Variants in SESTD1 observed in about 807,000 individuals in gnomAD.
SESTD1 encodes SEC14 domain and spectrin repeat-containing protein 1.
In SESTD1, 43 loss-of-function variants were observed where a neutral mutation model predicts 101.7. The ratio of observed to expected loss-of-function variants is 0.42; its 90% confidence interval spans 0.33 to 0.55. The LOEUF is 0.55. SESTD1 is among the 20% of genes least tolerant of loss of function. The probability of loss-of-function intolerance (pLI) is 0.07; values close to 1 mark genes in which losing one functional copy is unlikely to be tolerated. For missense variants in SESTD1, 647 were observed against 815.1 expected (o/e 0.79, Z 2.51); for synonymous variants, 283 against 286.8 (o/e 0.99, Z 0.13).
chr2:179,110,921 AAT>A (rs2044491725), intron 17 of SESTD1, among the ~76,000 whole-genome samples: 1 of 152,230 alleles, frequency 6.6e-6, no homozygotes, highest in Admixed American at 6.5e-5. Context: ...GTGAACTTTG[AAT>A]ATATAGTACT....
intron 1 of SESTD1, among the ~76,000 whole-genome samples, chr2:179,219,912 C>A (rs1388063347): frequency 6.6e-6 from 1 of 151,902 alleles, no homozygotes; most frequent in Non-Finnish European, 1.5e-5. Flanking sequence ...AAAGTTTCAC[C>A]GAATAATATC....
At chr2:179,138,824 T>C (rs533844673) in intron 9 of SESTD1, among the ~76,000 whole-genome samples, 1 of 128,536 alleles carries the variant, frequency 7.8e-6, no homozygotes, top group East Asian at 2.3e-4. Context: ...TGAGCCATGA[T>C]CAGGTCTCTG....
At chr2:179,239,043 C>A (rs993985258) in intron 1 of SESTD1, among the ~76,000 whole-genome samples, 1 of 152,136 alleles carries the variant, frequency 6.6e-6, no homozygotes, top group Non-Finnish European at 1.5e-5. Flanking sequence ...TTTGATTTCT[C>A]TGCTGTAGCA....
intron 1 of SESTD1, among the ~76,000 whole-genome samples, chr2:179,244,683 A>G (rs1001073006): frequency 6.6e-6 from 1 of 152,232 alleles, no homozygotes; most frequent in Non-Finnish European, 1.5e-5. Flanking sequence ...TTTTCTAAAT[A>G]GAAAGATAAT....
At chr2:179,116,509 C>T in intron 15 of SESTD1, 159 bp downstream of exon 15, 1 of 1,092,736 alleles carries the variant, frequency 9.2e-7, no homozygotes, top group South Asian at 1.3e-5. Flanking sequence ...TTTATGCAGG[C>T]TAGTTTTGAT....
At position 179,104,276 on chromosome 2, in the gene SESTD1, G is replaced by A. The variant is rs1339130101; in HGVS notation, c.*5623C>T. The stretch of plus-strand genomic sequence containing the variant: ...TTTATAACTGTCAAAGTGGTATTTC[G>A]ATCCTTTCACCTTTACAAAATACAA... On this transcript the variant is annotated 3_prime_UTR_variant, in exon 18 of 18. Coordinates refer to ENST00000428443, the MANE Select transcript of SESTD1 (RefSeq NM_178123.5). 1.3e-5 allele frequency: 2 copies of A among 152,036 alleles called. No homozygotes were observed. Among genetic ancestry groups the A allele is most frequent in the African/African-American group, 2.4e-5 (1 of 41,388 alleles). 9.4% of individuals were successfully genotyped at this position (152,036 alleles called of 1,614,324 possible).
At chr2:179,217,879 G>A (rs2046748411) in intron 1 of SESTD1, among the ~76,000 whole-genome samples, 1 of 151,504 alleles carries the variant, frequency 6.6e-6, no homozygotes, top group African/African-American at 2.4e-5. Flanking sequence ...CTACCACAAG[G>A]ACAGAAAACC....
At chr2:179,161,096 A>AT (rs1486418650) in intron 5 of SESTD1, among the ~76,000 whole-genome samples, 1 of 106,956 alleles carries the variant, frequency 9.3e-6, no homozygotes, top group East Asian at 2.3e-4. Context: ...TTTTTTTTTA[A>AT]TTTTTTGTAG....
chr2:179,117,357 A>T (rs1329026771), intron 14 of SESTD1, among the ~76,000 whole-genome samples, 175 bp downstream of exon 14: 1 of 151,622 alleles, frequency 6.6e-6, no homozygotes, highest in African/African-American at 2.4e-5. Context: ...GTTAAATGAG[A>T]TCAATCAACT....
At chr2:179,142,450 A>C (rs1217655676) in intron 9 of SESTD1, among the ~76,000 whole-genome samples, 1 of 152,206 alleles carries the variant, frequency 6.6e-6, no homozygotes, top group Non-Finnish European at 1.5e-5. Flanking sequence ...AAGAGGAAAG[A>C]AAGAAGACAG....
chr2:179,115,277 T>G, intron 15 of SESTD1, 21 bp from the exon 16 acceptor site: 1 of 1,539,656 alleles, frequency 6.5e-7, no homozygotes, highest in South Asian at 1.2e-5. Flanking sequence ...AAAGGAAACA[T>G]AAAATTGTAA....
chr2:179,193,006 A>G (rs1006047102), intron 1 of SESTD1, among the ~76,000 whole-genome samples: 7 of 152,200 alleles, frequency 4.6e-5, no homozygotes, highest in Non-Finnish European at 1.0e-4. Flanking sequence ...GTATGAGTAT[A>G]TTACTTATTC....
chr2:179,257,646 A>T (rs879515714), intron 1 of SESTD1, among the ~76,000 whole-genome samples: 3 of 152,224 alleles, frequency 2.0e-5, no homozygotes, highest in Non-Finnish European at 4.4e-5. Flanking sequence ...AAGTTAACAA[A>T]CTAAAGATAA....
rs189489329 is a variant in SESTD1, at chr2:179,191,498, G to C, written c.55+289C>G. On this transcript the variant is annotated intron_variant, in intron 2 of 17. Coordinates refer to ENST00000428443, the MANE Select transcript of SESTD1 (RefSeq NM_178123.5). ...GGTATTATGGTCACTACCTGGGTGA[G>C]GAGAATCAATTATACCCCAAACCTT... Among the ~76,000 whole-genome samples the C allele has an allele frequency of 6.6e-5, 10 of 152,088 alleles. No individual in the cohort carries two copies. The East Asian group carries it at 1.9e-3, about 29-fold the overall frequency.
intron 10 of SESTD1, among the ~76,000 whole-genome samples, chr2:179,126,311 T>G (rs1423610738): frequency 6.6e-6 from 1 of 152,182 alleles, no homozygotes; most frequent in Non-Finnish European, 1.5e-5. Context: ...TTCTCAGTCT[T>G]TATTTTATTG....
In SESTD1 at chr2:179,105,754, G is replaced by A. The variant is rs1480936084; in HGVS notation, c.*4145C>T. 2 of 152,098 alleles carry A rather than the reference G, an allele frequency of 1.3e-5. No individual in the cohort carries two copies. Among genetic ancestry groups the A allele is most frequent in the Non-Finnish European group, 2.9e-5 (2 of 67,998 alleles). The allele number at this position is 152,098 out of a possible 1,614,324, so 9.4% of individuals were successfully genotyped here. Reference sequence around the variant, plus strand: ...TTCTTGAAATTGGTATGACTTCTCTGTTTTACAGCCTGAGATAAATTCTCA... The same window carrying A: ...TTCTTGAAATTGGTATGACTTCTCTATTTTACAGCCTGAGATAAATTCTCA... On this transcript the variant is annotated 3_prime_UTR_variant, in exon 18 of 18. Transcript: ENST00000428443.
rs1291605686 is a variant in SESTD1, at chr2:179,210,966, TAA to T, written c.-25-19102_-25-19101del. Among the ~76,000 whole-genome samples the T allele has an allele frequency of 1.5e-5, 2 of 132,834 alleles. 1 individual carries two copies. Among genetic ancestry groups the T allele is most frequent in the South Asian group, 5.7e-4 (2 of 3,482 alleles). 87.1% of individuals were successfully genotyped at this position (132,834 alleles called of 152,430 possible). ...TCCTAGATCTGATCAATGAATTCAATAAAGTTTCAGGATACAAAATCAATGCA... is the reference window on the plus strand; with the variant it reads ...TCCTAGATCTGATCAATGAATTCAATAGTTTCAGGATACAAAATCAATGCA... On this transcript the variant is annotated intron_variant, in intron 1 of 17. Coordinates refer to ENST00000428443, the MANE Select transcript of SESTD1 (RefSeq NM_178123.5).
intron 3 of SESTD1, among the ~76,000 whole-genome samples, chr2:179,177,861 G>A (rs975272542): frequency 6.6e-6 from 1 of 152,154 alleles, no homozygotes; most frequent in Non-Finnish European, 1.5e-5. Flanking sequence ...ACATTATTCA[G>A]CCATAAAAAA....
At position 179,105,951 on chromosome 2, in the gene SESTD1, T is replaced by C. The variant is rs1009729883; in HGVS notation, c.*3948A>G. ...GCTAAACCTAGACTTTTCAGTAGCATGTATGAAAGTCAAATAATGTCAAAT... is the reference window on the plus strand; with the variant it reads ...GCTAAACCTAGACTTTTCAGTAGCACGTATGAAAGTCAAATAATGTCAAAT... On this transcript the variant is annotated 3_prime_UTR_variant, in exon 18 of 18. Coordinates refer to ENST00000428443, the MANE Select transcript of SESTD1 (RefSeq NM_178123.5). 1 of 152,192 alleles carries C rather than the reference T, an allele frequency of 6.6e-6. No homozygotes were observed. Among genetic ancestry groups the C allele is most frequent in the African/African-American group, 2.4e-5 (1 of 41,454 alleles). The allele number at this position is 152,192 out of a possible 1,614,324, so 9.4% of individuals were successfully genotyped here. A position where few individuals can be genotyped will look rare whatever the true frequency, so the allele number is the denominator to read the frequency against.
Sources: allele counts gnomAD v4.1 joint callset (sites outside exome capture counted in the v4.1 genomes callset), GRCh38; gene constraint gnomAD v4.1.1; transcripts MANE v1.5; gene names NCBI Gene and HGNC (gene_info 2026-07-23, HGNC 2026-07-21).